The following INTS4 variants were observed in gnomAD, a reference collection of about 807,000 sequenced individuals.
The protein encoded by INTS4 is MSTP093.
INTS4 carries 70 observed loss-of-function variants against 119.5 expected under a neutral mutation model. The observed-to-expected ratio is 0.59, with a 90% CI of 0.48 to 0.71. The LOEUF (loss-of-function observed/expected upper bound fraction) is 0.71, where lower values mean the gene tolerates loss of function less well. INTS4 is among the 30% of genes least tolerant of loss of function. The pLI is 0.00. For missense variants in INTS4, 867 were observed against 1,173.2 expected, an observed-to-expected ratio of 0.74 and a Z score of 3.81; for synonymous variants, 316 against 419.6, an observed-to-expected ratio of 0.75 and a Z score of 3.02.
intron 11 of INTS4, among the ~76,000 whole-genome samples, chr11:77,926,459 CACTT>C (rs1953502286): frequency 6.6e-6 from 1 of 152,174 alleles, no homozygotes; most frequent in Non-Finnish European, 1.5e-5. Flanking sequence ...ACTCAGCAAA[CACTT>C]ACCGAGCACC....
intron 8 of INTS4, among the ~76,000 whole-genome samples, chr11:77,948,662 A>G (rs1054108787): frequency 1.3e-5 from 1 of 79,582 alleles, no homozygotes; most frequent in Non-Finnish European, 2.4e-5. Flanking sequence ...AACAAAAAAA[A>G]AAAAACAAAA....
intron 2 of INTS4, among the ~76,000 whole-genome samples, chr11:77,989,751 T>A (rs1850253074): frequency 6.7e-6 from 1 of 150,306 alleles, no homozygotes; most frequent in Admixed American, 6.6e-5. Flanking sequence ...AATACAAAAA[T>A]TAGCCAGGCA....
At chr11:77,889,764 T>C (rs1177223215) in intron 21 of INTS4, among the ~76,000 whole-genome samples, 1 of 152,166 alleles carries the variant, frequency 6.6e-6, no homozygotes, top group South Asian at 2.1e-4. Context: ...CCACTGGACC[T>C]GTCCCACGAT....
At chr11:77,974,374 C>T (rs2136625727) in intron 4 of INTS4, among the ~76,000 whole-genome samples, 1 of 151,054 alleles carries the variant, frequency 6.6e-6, no homozygotes, top group South Asian at 2.1e-4. Context: ...TCCTGAGTAG[C>T]TGGGATTACA....
intron 15 of INTS4, among the ~76,000 whole-genome samples, chr11:77,911,657 T>C (rs1953090680): frequency 6.6e-6 from 1 of 152,248 alleles, no homozygotes; most frequent in South Asian, 2.1e-4. Flanking sequence ...GGAAAAATCC[T>C]GTGTCCCAGT....
chr11:77,927,466 C>G (rs925897374), intron 11 of INTS4, among the ~76,000 whole-genome samples: 1 of 152,058 alleles, frequency 6.6e-6, no homozygotes, highest in Non-Finnish European at 1.5e-5. Context: ...CATCTGAACC[C>G]CATCTTCCCC....
intron 18 of INTS4, 125 bp from the exon 19 acceptor site, chr11:77,894,474 A>G: frequency 1.8e-6 from 1 of 550,946 alleles, no homozygotes. Flanking sequence ...AATGATCTCT[A>G]AAAGTAACAG....
intron 15 of INTS4, among the ~76,000 whole-genome samples, chr11:77,913,752 A>T (rs1156508010): frequency 6.6e-5 from 10 of 152,228 alleles, no homozygotes; most frequent in Non-Finnish European, 1.3e-4. Flanking sequence ...CATCTGGCTC[A>T]TAGGTGAGAT....
At chr11:77,970,126 G>A (rs1251502963) in intron 4 of INTS4, among the ~76,000 whole-genome samples, 2 of 152,234 alleles carry the variant, frequency 1.3e-5, no homozygotes, top group Non-Finnish European at 1.5e-5. Context: ...GCCAGGTGCA[G>A]TGGCTCATGC....
At chr11:77,884,751 C>A (rs779288099) in intron 21 of INTS4, 6 of 382,746 alleles carry the variant, frequency 1.6e-5, no homozygotes, top group South Asian at 1.0e-4. Context: ...TTCTACACTT[C>A]TTTCTTTCTT....
intron 8 of INTS4, among the ~76,000 whole-genome samples, chr11:77,947,674 G>A (rs573093223): frequency 2.0e-4 from 31 of 152,182 alleles, no homozygotes; most frequent in Non-Finnish European, 4.0e-4. Context: ...AATTCAAAAT[G>A]GTCAAAAACT....
chr11:77,983,192 C>T (rs1856312961), intron 2 of INTS4, among the ~76,000 whole-genome samples: 1 of 152,160 alleles, frequency 6.6e-6, no homozygotes, highest in Non-Finnish European at 1.5e-5. Context: ...CAAAAATGGG[C>T]ATATAGTAAG....
At chr11:77,963,359 A>AC in intron 4 of INTS4, 1 of 383,800 alleles carries the variant, frequency 2.6e-6, no homozygotes, top group South Asian at 1.9e-5. Context: ...TCTCAAAAAA[A>AC]AAAAAAAAAA....
At chr11:77,979,684 A>G (rs1042592086) in intron 3 of INTS4, among the ~76,000 whole-genome samples, 3 of 151,662 alleles carry the variant, frequency 2.0e-5, no homozygotes, top group African/African-American at 7.3e-5. Context: ...GAAACAGAAA[A>G]AAAAAAAAAA....
intron 21 of INTS4, among the ~76,000 whole-genome samples, 190 bp from the exon 22 acceptor site, chr11:77,884,142 G>A (rs1036306253): frequency 1.3e-5 from 2 of 152,140 alleles, no homozygotes; most frequent in Admixed American, 6.5e-5. Context: ...GCAGTGTTCA[G>A]TAAACATTTC....
At chr11:77,960,916 A>T (rs368422411) in intron 5 of INTS4, 37 bp downstream of exon 5, 5 of 1,556,116 alleles carry the variant, frequency 3.2e-6, no homozygotes, top group Non-Finnish European at 4.4e-6. Context: ...AACAAAAATG[A>T]ACACTAGCCC....
chr11:77,915,366 G>A (rs1953182387), intron 15 of INTS4: 1 of 152,162 alleles, frequency 6.6e-6, no homozygotes, highest in African/African-American at 2.4e-5. Flanking sequence ...CATGAGAGTT[G>A]CTATGGGCCT....
intron 12 of INTS4, among the ~76,000 whole-genome samples, chr11:77,924,142 C>G (rs1171569892): frequency 6.6e-6 from 1 of 150,600 alleles, no homozygotes; most frequent in East Asian, 2.0e-4. Context: ...TGCCTGTAAT[C>G]CCAGCACTTT....
intron 4 of INTS4, among the ~76,000 whole-genome samples, chr11:77,968,734 T>C (rs1855593896): frequency 6.6e-6 from 1 of 152,196 alleles, no homozygotes; most frequent in Non-Finnish European, 1.5e-5. Flanking sequence ...CTCCTTAGTA[T>C]ACATCCAAGA....
Sources: allele counts gnomAD v4.1 joint callset (sites outside exome capture counted in the v4.1 genomes callset), GRCh38; gene constraint gnomAD v4.1.1; transcripts MANE v1.5; gene names NCBI Gene and HGNC (gene_info 2026-07-23, HGNC 2026-07-21).